Variants in MALRD1 observed in about 807,000 individuals in gnomAD.
MALRD1 encodes the protein MAM and LDL receptor class A domain containing 1.
A neutral mutation model predicts 242.1 loss-of-function variants in MALRD1; 247 were observed. The ratio of observed to expected loss-of-function variants is 1.02; its 90% CI spans 0.92 to 1.13. The LOEUF is 1.13. Among genes scored for constraint, MALRD1 ranks in the 50% most tolerant of loss-of-function variants. MALRD1 has a pLI of 0.00. For synonymous variants in MALRD1, 995 were observed against 866.6 expected (o/e 1.15, Z -2.60); for missense variants, 2,989 against 2,533.1 (o/e 1.18, Z -3.86).
chr10:19,148,788 A>AAATAT (rs1206724666), intron 11 of MALRD1, among the ~76,000 whole-genome samples: 1,132 of 87,988 alleles, frequency 0.013, 11 homozygotes, highest in Middle Eastern at 0.035. Flanking sequence ...AAAAAAAAAA[A>AAATAT]ATATATATAT....
intron 25 of MALRD1, among the ~76,000 whole-genome samples, chr10:19,351,772 A>G (rs1308491001): frequency 6.6e-6 from 1 of 152,086 alleles, no homozygotes; most frequent in East Asian, 1.9e-4. Context: ...TTTAATTCCT[A>G]CTAAATTTCT....
intron 5 of MALRD1, among the ~76,000 whole-genome samples, chr10:19,121,991 T>G (rs1837082348): frequency 6.6e-6 from 1 of 152,230 alleles, no homozygotes; most frequent in South Asian, 2.1e-4. Flanking sequence ...CATTTCAGTC[T>G]GCATGATTGT....
intron 4 of MALRD1, among the ~76,000 whole-genome samples, chr10:19,094,777 C>G (rs1184950199): frequency 6.6e-6 from 1 of 152,196 alleles, no homozygotes; most frequent in Non-Finnish European, 1.5e-5. Flanking sequence ...ATAAACTTAA[C>G]ACAGTCTTTA....
intron 26 of MALRD1, among the ~76,000 whole-genome samples, chr10:19,371,619 T>A (rs1845383559): frequency 6.6e-6 from 1 of 152,210 alleles, no homozygotes; most frequent in Admixed American, 6.5e-5. Flanking sequence ...TTATCCCTTC[T>A]ATATATTGCT....
intron 31 of MALRD1, among the ~76,000 whole-genome samples, chr10:19,507,797 G>T (rs2131277505): frequency 6.6e-6 from 1 of 152,298 alleles, no homozygotes; most frequent in East Asian, 1.9e-4. Flanking sequence ...CATTGAAAAT[G>T]TATGTGAATA....
chr10:19,491,185 A>G (rs1589151260), intron 29 of MALRD1: 1 of 506,206 alleles, frequency 2.0e-6, no homozygotes, highest in East Asian at 6.2e-5. Flanking sequence ...GACAATGAGC[A>G]GGATTTGGTG....
At chr10:19,287,893 T>G (rs1315166791) in intron 21 of MALRD1, among the ~76,000 whole-genome samples, 3 of 152,070 alleles carry the variant, frequency 2.0e-5, no homozygotes, top group Non-Finnish European at 4.4e-5. Context: ...AAGACATAGG[T>G]GGAATTATTA....
At chr10:19,057,988 A>C (rs1834716635) in intron 1 of MALRD1, among the ~76,000 whole-genome samples, 1 of 152,102 alleles carries the variant, frequency 6.6e-6, no homozygotes, top group African/African-American at 2.4e-5. Flanking sequence ...ATTAGTTGGG[A>C]AAAAAAATAG....
chr10:19,549,085 G>A (rs59783471), intron 32 of MALRD1, among the ~76,000 whole-genome samples: 6,413 of 152,192 alleles, frequency 0.042, 440 homozygotes, highest in African/African-American at 0.15. Flanking sequence ...AACCAGCTTC[G>A]ACATTCCCTT....
chr10:19,177,157 G>C (rs372353395), intron 14 of MALRD1, among the ~76,000 whole-genome samples: 49 of 151,860 alleles, frequency 3.2e-4, no homozygotes, highest in African/African-American at 1.1e-3. Flanking sequence ...GCGGGCACCT[G>C]TAGTCCCAGC....
intron 31 of MALRD1, among the ~76,000 whole-genome samples, chr10:19,510,669 G>T (rs952346975): frequency 6.6e-6 from 1 of 152,188 alleles, no homozygotes; most frequent in Non-Finnish European, 1.5e-5. Flanking sequence ...CAAGGCAGAA[G>T]AATTTTTCTT....
At chr10:19,574,016 T>C (rs1396662943) in intron 33 of MALRD1, among the ~76,000 whole-genome samples, 1 of 152,216 alleles carries the variant, frequency 6.6e-6, no homozygotes, top group Non-Finnish European at 1.5e-5. Context: ...CCTTTTTGTC[T>C]TGACTTGATA....
intron 38 of MALRD1, among the ~76,000 whole-genome samples, chr10:19,694,875 T>G (rs895879944): frequency 2.0e-5 from 3 of 152,142 alleles, no homozygotes; most frequent in African/African-American, 7.2e-5. Flanking sequence ...ACATACACCA[T>G]GGAATACTAT....
chr10:19,355,523 G>T (rs1025215318), intron 26 of MALRD1, among the ~76,000 whole-genome samples: 5 of 100,760 alleles, frequency 5.0e-5, no homozygotes, highest in Admixed American at 1.0e-4. Context: ...ACAACTGAAT[G>T]CCTTTATTTC....
chr10:19,388,527 T>C (rs1846185459), intron 27 of MALRD1, among the ~76,000 whole-genome samples: 1 of 152,200 alleles, frequency 6.6e-6, no homozygotes, highest in Non-Finnish European at 1.5e-5. Context: ...AAATTCCTCA[T>C]CTGTCATTTT....
chr10:19,142,329 A>G (rs903952561), intron 10 of MALRD1, among the ~76,000 whole-genome samples: 19 of 152,074 alleles, frequency 1.2e-4, no homozygotes, highest in Non-Finnish European at 1.8e-4. Context: ...AAAATCTAAT[A>G]TATTCTCATT....
chr10:19,688,886 G>C (rs374156155), intron 36 of MALRD1, among the ~76,000 whole-genome samples: 1 of 152,180 alleles, frequency 6.6e-6, no homozygotes, highest in Non-Finnish European at 1.5e-5. Context: ...GGTTTAGTTT[G>C]ACAAAGATGA....
At chr10:19,654,046 C>T (rs1253864238) in intron 36 of MALRD1, among the ~76,000 whole-genome samples, 1 of 152,080 alleles carries the variant, frequency 6.6e-6, no homozygotes, top group Non-Finnish European at 1.5e-5. Flanking sequence ...CTGACATGTG[C>T]CACATTAAAA....
At chr10:19,152,643 A>G (rs1833985232) in intron 11 of MALRD1, among the ~76,000 whole-genome samples, 1 of 152,168 alleles carries the variant, frequency 6.6e-6, no homozygotes. Context: ...TACTGCTAAG[A>G]TAAGATAAGT....
Sources: gnomAD v4.1 joint callset for allele counts (sites outside exome capture counted in the v4.1 genomes callset) on GRCh38, gnomAD v4.1.1 for gene constraint, MANE v1.5 for transcripts, NCBI Gene and HGNC (gene_info 2026-07-23, HGNC 2026-07-21) for gene names.